The following PDE4D variants were observed in gnomAD, a reference collection of about 807,000 sequenced individuals.
PDE4D encodes 3',5'-cyclic-AMP phosphodiesterase 4D.
PDE4D carries 24 observed loss-of-function variants against 87.4 expected under a neutral mutation model. The observed-to-expected ratio is 0.27, with a 90% confidence interval of 0.20 to 0.39. The LOEUF is 0.39. Among genes scored for constraint, PDE4D ranks in the 10% least tolerant of loss-of-function variants. The probability of loss-of-function intolerance (pLI) is 1.00; values close to 1 mark genes in which losing one functional copy is unlikely to be tolerated. For synonymous variants in PDE4D, 384 were observed against 383.2 expected, an observed-to-expected ratio of 1.00 and a Z score of -0.02; for missense variants, 714 against 1,041.0, an observed-to-expected ratio of 0.69 and a Z score of 4.32.
At chr5:59,319,508 T>A (rs1441130316) in intron 1 of PDE4D, among the ~76,000 whole-genome samples, 1 of 152,106 alleles carries the variant, frequency 6.6e-6, no homozygotes, top group Non-Finnish European at 1.5e-5. Flanking sequence ...TGACAGTAAT[T>A]TTCCATTGAT....
chr5:60,200,829 C>T (rs1741816238), intron 1 of PDE4D, among the ~76,000 whole-genome samples: 1 of 152,068 alleles, frequency 6.6e-6, no homozygotes, highest in Non-Finnish European at 1.5e-5. Flanking sequence ...AGTAAGAAAC[C>T]TATTAATATA....
At position 58,973,973 on chromosome 5, in the gene PDE4D, C is replaced by T. The variant is rs1272041047; in HGVS notation, c.*691G>A. 1 of 152,514 alleles carries T rather than the reference C, an allele frequency of 6.6e-6. No homozygotes were observed. The highest frequency in any genetic ancestry group is 1.5e-5 in the Non-Finnish European group (1 of 67,996). 9.4% of individuals were successfully genotyped at this position (152,514 alleles called of 1,614,324 possible). A position where few individuals can be genotyped will look rare whatever the true frequency, so the allele number is the denominator to read the frequency against. On this transcript the variant is annotated 3_prime_UTR_variant, in exon 15 of 15. Transcript: ENST00000340635. ...GTGTAGCACAGATTTGTACTGAAAA[C>T]TTGCAAGTTACTCCTTAGAAAAAAA...
At chr5:59,324,197 G>A (rs188182892) in intron 1 of PDE4D, among the ~76,000 whole-genome samples, 9 of 152,098 alleles carry the variant, frequency 5.9e-5, no homozygotes, top group Non-Finnish European at 1.0e-4. Context: ...CCCTTCTTGC[G>A]TGTTCCTACA....
rs1300589258 is a variant in PDE4D at position 59,982,132 on chromosome 5, A to G, written c.272+6356T>C. On this transcript the variant is annotated intron_variant, in intron 3 of 16. Coordinates refer to the PDE4D transcript ENST00000502484. ...GTTAAATTTATCCCCAAAAGTGACC[A>G]TGTCTTCTTTTACATTCTTTTCATT... is the stretch of plus-strand genomic sequence containing the variant. 7.9e-5 allele frequency among the ~76,000 whole-genome samples: 12 copies of G among 152,262 alleles called. No individual in the cohort carries two copies. In the South Asian group the frequency reaches 2.3e-3, roughly 29 times the overall value.
intron 1 of PDE4D, among the ~76,000 whole-genome samples, chr5:59,588,745 T>C (rs1825542105): frequency 6.6e-6 from 1 of 152,180 alleles, no homozygotes; most frequent in South Asian, 2.1e-4. Context: ...TGTGAACTTG[T>C]AGGTTCAGAA....
At chr5:60,271,959 AG>A (rs1225136102) in intron 1 of PDE4D, among the ~76,000 whole-genome samples, 1 of 152,230 alleles carries the variant, frequency 6.6e-6, no homozygotes, top group Admixed American at 6.5e-5. Flanking sequence ...ATGAGGAAGA[AG>A]AAATGGATTC....
intron 1 of PDE4D, among the ~76,000 whole-genome samples, chr5:59,541,241 C>G (rs571634657): frequency 1.3e-5 from 2 of 152,186 alleles, no homozygotes; most frequent in African/African-American, 4.8e-5. Context: ...TATTGCCTGA[C>G]TGGCTGTCTC....
chr5:59,180,966 C>T lies in PDE4D; in HGVS notation c.759-322G>A, dbSNP rs2277013. Among the ~76,000 whole-genome samples the T allele has an allele frequency of 3.0e-3, 455 of 152,250 alleles. 8 individuals carry two copies. The East Asian group carries it at 0.054, about 18-fold the overall frequency. On this transcript the variant is annotated intron_variant, in intron 4 of 14. Transcript: ENST00000340635. The stretch of plus-strand genomic sequence containing the variant: ...TCGCTGAAGCCAGAGCTTATAGACT[C>T]TGAATTTGAAAAAGCAGTCAATTTA...
chr5:59,126,587 T>C (rs924637255), intron 5 of PDE4D, among the ~76,000 whole-genome samples: 8 of 152,236 alleles, frequency 5.3e-5, no homozygotes, highest in Admixed American at 2.0e-4. Context: ...ATCATTACTG[T>C]GCATATCTCT....
chr5:59,248,831 A>G (rs1399757378), intron 1 of PDE4D, among the ~76,000 whole-genome samples: 3 of 152,176 alleles, frequency 2.0e-5, no homozygotes, highest in African/African-American at 7.2e-5. Flanking sequence ...GTGGGAAAAA[A>G]TAAACTTGTA....
At chr5:60,168,680 T>C (rs1384890801) in intron 2 of PDE4D, among the ~76,000 whole-genome samples, 1 of 152,188 alleles carries the variant, frequency 6.6e-6, no homozygotes, top group African/African-American at 2.4e-5. Flanking sequence ...CACCTCAAGA[T>C]TACTTACATT....
chr5:59,018,556 C>G (rs1428185722), intron 6 of PDE4D, among the ~76,000 whole-genome samples: 1 of 152,102 alleles, frequency 6.6e-6, no homozygotes, highest in East Asian at 1.9e-4. Flanking sequence ...ACACGAAAAG[C>G]CTTACAAACA....
chr5:59,677,974 C>T (rs1748386971), intron 1 of PDE4D, among the ~76,000 whole-genome samples: 1 of 152,148 alleles, frequency 6.6e-6, no homozygotes, highest in South Asian at 2.1e-4. Context: ...TTTGTATGTT[C>T]AAGTGCTATT....
intron 1 of PDE4D, among the ~76,000 whole-genome samples, chr5:59,866,389 A>G (rs1425159172): frequency 6.6e-6 from 1 of 152,196 alleles, no homozygotes; most frequent in Non-Finnish European, 1.5e-5. Context: ...GTGCTTTTTC[A>G]TATATATTGC....
intron 1 of PDE4D, among the ~76,000 whole-genome samples, chr5:60,396,572 G>A (rs1022401730): frequency 5.3e-5 from 8 of 152,050 alleles, no homozygotes; most frequent in Non-Finnish European, 8.8e-5. Context: ...CTAGAGTGCA[G>A]TAGTGTGATC....
At chr5:60,174,529 C>G (rs143620785) in intron 2 of PDE4D, among the ~76,000 whole-genome samples, 2 of 151,986 alleles carry the variant, frequency 1.3e-5, no homozygotes, top group African/African-American at 4.8e-5. Flanking sequence ...GAAGAAACAG[C>G]TTTACCCTCT....
At chr5:59,003,100 C>A (rs962731504) in intron 6 of PDE4D, among the ~76,000 whole-genome samples, 2 of 152,148 alleles carry the variant, frequency 1.3e-5, no homozygotes, top group African/African-American at 4.8e-5. Flanking sequence ...GGCCAAAATG[C>A]TGTAATTGCT....
At chr5:60,239,442 T>G (rs1169618451) in intron 1 of PDE4D, among the ~76,000 whole-genome samples, 1 of 152,126 alleles carries the variant, frequency 6.6e-6, no homozygotes, top group Non-Finnish European at 1.5e-5. Flanking sequence ...TGGAATCAGA[T>G]TGATCAGATT....
At chr5:59,590,377 A>G (rs1053412561) in intron 1 of PDE4D, among the ~76,000 whole-genome samples, 14 of 152,284 alleles carry the variant, frequency 9.2e-5, no homozygotes, top group Admixed American at 6.5e-4. Context: ...CCTTTCATGA[A>G]ACTTTTAAGA....
Sources: gnomAD v4.1 joint callset for allele counts (sites outside exome capture counted in the v4.1 genomes callset) on GRCh38, gnomAD v4.1.1 for gene constraint, MANE v1.5 for transcripts, NCBI Gene and HGNC (gene_info 2026-07-23, HGNC 2026-07-21) for gene names.